The following ADAT2 variants were observed in gnomAD, a reference collection of about 807,000 sequenced individuals.
The protein encoded by ADAT2 is adenosine deaminase tRNA specific 2, also known as tRNA-specific adenosine-34 deaminase catalytic subunit ADAT2.
A neutral mutation model predicts 25.9 loss-of-function variants in ADAT2; 26 were observed. The observed-to-expected ratio is 1.00, with a 90% confidence interval of 0.74 to 1.39. ADAT2 has a LOEUF of 1.39. ADAT2 is among the 40% of genes most tolerant of loss of function. The pLI, the probability that ADAT2 is intolerant of heterozygous loss-of-function variation, is 0.00. For missense variants in ADAT2, 220 were observed against 244.8 expected (o/e 0.90, Z 0.68); for synonymous variants, 76 against 86.8 (o/e 0.88, Z 0.69).
rs1779142633 is a variant in ADAT2 at position 143,432,443 on chromosome 6, C to T, written c.459+62G>A. The T allele has an allele frequency of 2.7e-6, 4 of 1,460,230 alleles. No homozygotes were observed. The Admixed American group carries it at 5.1e-5, about 18-fold the overall frequency. 90.5% of individuals were successfully genotyped at this position (1,460,230 alleles called of 1,614,324 possible). A position where few individuals can be genotyped will look rare whatever the true frequency, so the allele number is the denominator to read the frequency against. On this transcript the variant is annotated intron_variant, in intron 4 of 5. Coordinates refer to ENST00000237283, the MANE Select transcript of ADAT2 (RefSeq NM_182503.3). The surrounding 1 kb of genome is among the most constrained non-coding windows in gnomAD (Gnocchi z 4.4). ...ATACTGGCCACACACTAGTTATTCA[C>T]AAGCCCATAAAGAGATGAAAATAAT... is the stretch of plus-strand genomic sequence containing the variant.
rs1362818361 is a variant in ADAT2, at chr6:143,442,788, A to G, written c.97-4094T>C. ...AGAGAAATATTTGGTGTTACGGACA[A>G]TCCCAGAAAAACACTAGGCCAAGAA... On this transcript the variant is annotated intron_variant, in intron 1 of 5. Coordinates refer to ENST00000237283, the MANE Select transcript of ADAT2 (RefSeq NM_182503.3). The surrounding 1 kb of genome is among the most constrained non-coding windows in gnomAD (Gnocchi z 4.6). Among the ~76,000 whole-genome samples, 1 of 152,230 alleles carries G rather than the reference A, an allele frequency of 6.6e-6. No homozygotes were observed. Among genetic ancestry groups the G allele is most frequent in the African/African-American group, 2.4e-5 (1 of 41,456 alleles).
rs1034098830 is a variant in ADAT2, at chr6:143,440,364, A to G, written c.97-1670T>C. On this transcript the variant is annotated intron_variant, in intron 1 of 5. Coordinates refer to ENST00000237283, the MANE Select transcript of ADAT2 (RefSeq NM_182503.3). This position sits in a 1 kb window ranked among gnomAD's most constrained non-coding sequence, Gnocchi z 4.5. ...GTTCTACTTTATTTAACTAGTGACA[A>G]CTTCCTATTATAAGGCATACAGGAT... Among the ~76,000 whole-genome samples, 22 of 152,186 alleles carry G rather than the reference A, an allele frequency of 1.4e-4. No homozygotes were observed. The highest frequency in any genetic ancestry group is 5.3e-4 in the African/African-American group (22 of 41,448).
At chr6:143,439,366 A>T (rs1358933499) in intron 1 of ADAT2, among the ~76,000 whole-genome samples, 1 of 151,312 alleles carries the variant, frequency 6.6e-6, no homozygotes. Context: ...AAAAAAAAGA[A>T]GAAGAAAGAA....
At position 143,436,448 on chromosome 6, in the gene ADAT2, C is replaced by G. The variant is rs1430544642; in HGVS notation, c.201+2142G>C. On this transcript the variant is annotated intron_variant, in intron 2 of 5. Transcript: ENST00000237283. This position sits in a 1 kb window ranked among gnomAD's most constrained non-coding sequence, Gnocchi z 4.1. ...ACAGCTTTCTGGGACATCCCATCCGCAGGACTAAAAACGTCCACCACTTTC... is the reference window on the plus strand; with the variant it reads ...ACAGCTTTCTGGGACATCCCATCCGGAGGACTAAAAACGTCCACCACTTTC... 5 of 266,958 alleles carry G rather than the reference C, an allele frequency of 1.9e-5. No homozygotes were observed. Among genetic ancestry groups the G allele is most frequent in the Non-Finnish European group, 3.8e-5 (5 of 130,220 alleles). 16.5% of individuals were successfully genotyped at this position (266,958 alleles called of 1,614,324 possible).
chr6:143,450,495 A>C, intron 1 of ADAT2, 68 bp downstream of exon 1: 1 of 1,534,812 alleles, frequency 6.5e-7, no homozygotes, highest in Non-Finnish European at 9.0e-7. Flanking sequence ...GTTTGCTCAA[A>C]TGCCGGGGTC....
At position 143,434,716 on chromosome 6, in the gene ADAT2, A is replaced by G. The variant is rs1583977606; in HGVS notation, c.202-735T>C. ...CTTATAAATCTGAATTACATGAAGC[A>G]TGGTGCCACATAATACTACACATGT... On this transcript the variant is annotated intron_variant, in intron 2 of 5. Transcript: ENST00000237283. The surrounding 1 kb of genome is among the most constrained non-coding windows in gnomAD (Gnocchi z 4.5). Among the ~76,000 whole-genome samples the G allele has an allele frequency of 6.6e-6, 1 of 152,226 alleles. No individual in the cohort carries two copies. The highest frequency in any genetic ancestry group is 6.5e-5 in the Admixed American group (1 of 15,280).
rs780385277 is a variant in ADAT2, at chr6:143,440,301, C to G, written c.97-1607G>C. On this transcript the variant is annotated intron_variant, in intron 1 of 5. Transcript: ENST00000237283. The surrounding 1 kb of genome is among the most constrained non-coding windows in gnomAD (Gnocchi z 4.5). ...TGCAAAGTTGAAGGCATTGTTAAAA[C>G]AGTGTCTTCTGTCTCCTGCACCAGT... Among the ~76,000 whole-genome samples the G allele has an allele frequency of 4.6e-5, 7 of 152,222 alleles. No homozygotes were observed. The highest frequency in any genetic ancestry group is 1.0e-4 in the Non-Finnish European group (7 of 68,040).
In ADAT2 at chr6:143,425,824, T is replaced by G. The variant is rs1778919575; in HGVS notation, c.*2639A>C. On this transcript the variant is annotated 3_prime_UTR_variant, in exon 6 of 6. Coordinates refer to ENST00000237283, the MANE Select transcript of ADAT2 (RefSeq NM_182503.3). Reference sequence around the variant, plus strand: ...TCCCAGTAAAAAGTTTAAAGAAAAATTAAGAGTTCTTGCCTACACTGAAGC... The same window carrying G: ...TCCCAGTAAAAAGTTTAAAGAAAAAGTAAGAGTTCTTGCCTACACTGAAGC... 6.7e-6 allele frequency: 1 copy of G among 148,902 alleles called. No homozygotes were observed. Among genetic ancestry groups the G allele is most frequent in the South Asian group, 2.2e-4 (1 of 4,640 alleles). 9.2% of individuals were successfully genotyped at this position (148,902 alleles called of 1,614,324 possible).
rs1458581371 is a variant in ADAT2, at chr6:143,446,996, AATG to A, written c.96+3564_96+3566del. Among the ~76,000 whole-genome samples, 1 of 152,226 alleles carries A rather than the reference AATG, an allele frequency of 6.6e-6. No homozygotes were observed. Among genetic ancestry groups the A allele is most frequent in the African/African-American group, 2.4e-5 (1 of 41,456 alleles). On this transcript the variant is annotated intron_variant, in intron 1 of 5. Transcript: ENST00000237283. The surrounding 1 kb of genome is among the most constrained non-coding windows in gnomAD (Gnocchi z 5.0). ...ATGCTGAACATGTTATGATGATTAA[AATG>A]ATAACCTATGATGATGCTATGCTTA...
In ADAT2 at chr6:143,429,915, C is replaced by T. The variant is rs148356569; in HGVS notation, c.460-1231G>A. Among the ~76,000 whole-genome samples, 1,035 of 152,272 alleles carry T rather than the reference C, an allele frequency of 6.8e-3. 4 individuals are homozygous for T. Among genetic ancestry groups the T allele is most frequent in the Non-Finnish European group, 0.012 (816 of 68,024 alleles). On this transcript the variant is annotated intron_variant, in intron 4 of 5. Transcript: ENST00000237283. ...AAATAACCTTCCATCCACCCTGTCC[C>T]GTCAAAGGCTGACACCCTGCTCCTG...
rs201093312 is a variant in ADAT2, at chr6:143,450,684, C to G, written c.-26G>C. 19 of 1,609,444 alleles carry G rather than the reference C, an allele frequency of 1.2e-5. No homozygotes were observed. In the Admixed American group the frequency reaches 1.5e-4, roughly 13 times the overall value. ...ACCCAGCCACCACTCAGCTACAGAGCCCGCGGCAGAGGAGGAGCGCGGGCA... is the reference window on the plus strand; with the variant it reads ...ACCCAGCCACCACTCAGCTACAGAGGCCGCGGCAGAGGAGGAGCGCGGGCA... On this transcript the variant is annotated 5_prime_UTR_variant, in exon 1 of 6. Transcript: ENST00000237283.
chr6:143,444,788 G>T lies in ADAT2; in HGVS notation c.96+5775C>A. On this transcript the variant is annotated intron_variant, in intron 1 of 5. Transcript: ENST00000237283. The surrounding 1 kb of genome is among the most constrained non-coding windows in gnomAD (Gnocchi z 4.3). ...GAATATAATTTCTTTTTTTTCTCTA[G>T]TCAGGGCCTGCCCAGATACAGATAA... 2.6e-6 allele frequency: 1 copy of T among 386,450 alleles called. No individual in the cohort carries two copies. The highest frequency in any genetic ancestry group is 4.0e-6 in the Non-Finnish European group (1 of 249,370). 23.9% of individuals were successfully genotyped at this position (386,450 alleles called of 1,614,324 possible). A position where few individuals can be genotyped will look rare whatever the true frequency, so the allele number is the denominator to read the frequency against.
At position 143,444,002 on chromosome 6, in the gene ADAT2, G is replaced by A. The variant is rs1299017690; in HGVS notation, c.97-5308C>T. 6.6e-6 allele frequency among the ~76,000 whole-genome samples: 1 copy of A among 152,084 alleles called. No individual in the cohort carries two copies. Among genetic ancestry groups the A allele is most frequent in the Non-Finnish European group, 1.5e-5 (1 of 68,010 alleles). The stretch of plus-strand genomic sequence containing the variant: ...AGGGCCGAGTGGAAAGGACGTGAGT[G>A]GGATGGGAGATGAGATTCCATGTTG... On this transcript the variant is annotated intron_variant, in intron 1 of 5. Coordinates refer to ENST00000237283, the MANE Select transcript of ADAT2 (RefSeq NM_182503.3). The surrounding 1 kb of genome is among the most constrained non-coding windows in gnomAD (Gnocchi z 4.3).
In ADAT2 at chr6:143,441,020, T is replaced by C. The variant is rs149534505; in HGVS notation, c.97-2326A>G. On this transcript the variant is annotated intron_variant, in intron 1 of 5. Coordinates refer to ENST00000237283, the MANE Select transcript of ADAT2 (RefSeq NM_182503.3). Reference sequence around the variant, plus strand: ...AATGCTGCACTGCTGGCTTTGAAGATGGAGGGATGGGTCATAAATGTCACT... The same window carrying C: ...AATGCTGCACTGCTGGCTTTGAAGACGGAGGGATGGGTCATAAATGTCACT... 4.3e-3 allele frequency among the ~76,000 whole-genome samples: 650 copies of C among 152,212 alleles called. 8 individuals carry two copies. Among genetic ancestry groups the C allele is most frequent in the African/African-American group, 0.014 (602 of 41,526 alleles).
intron 4 of ADAT2, among the ~76,000 whole-genome samples, chr6:143,431,375 A>T (rs757309858): frequency 3.3e-5 from 5 of 152,240 alleles, no homozygotes; most frequent in Non-Finnish European, 7.3e-5. Flanking sequence ...GAAACTGAAA[A>T]ATTATTTAGA....
At chr6:143,431,057 A>G (rs566453340) in intron 4 of ADAT2, among the ~76,000 whole-genome samples, 18 of 151,912 alleles carry the variant, frequency 1.2e-4, no homozygotes, top group African/African-American at 3.6e-4. Flanking sequence ...CAGACGAATT[A>G]AAAAAAAAGA....
chr6:143,430,319 C>T (rs1779069238), intron 4 of ADAT2, among the ~76,000 whole-genome samples: 1 of 152,140 alleles, frequency 6.6e-6, no homozygotes, highest in Admixed American at 6.6e-5. Flanking sequence ...CCAGTTGGAA[C>T]TCTCTGGAAA....
chr6:143,432,676 GT>G lies in ADAT2; in HGVS notation c.353-66del. On this transcript the variant is annotated intron_variant, in intron 3 of 5. Coordinates refer to ENST00000237283, the MANE Select transcript of ADAT2 (RefSeq NM_182503.3). This position sits in a 1 kb window ranked among gnomAD's most constrained non-coding sequence, Gnocchi z 4.4. ...AAGTATGTATCGTGACAAAATCAGA[GT>G]AGGTTTATACCAGCCATCCTGGAGA... The G allele has an allele frequency of 6.6e-7, 1 of 1,505,834 alleles. No homozygotes were observed. The highest frequency in any genetic ancestry group is 1.1e-5 in the South Asian group (1 of 88,410). 93.3% of individuals were successfully genotyped at this position (1,505,834 alleles called of 1,614,324 possible).
intron 1 of ADAT2, chr6:143,441,584 T>G (rs935663165): frequency 6.6e-6 from 1 of 152,140 alleles, no homozygotes; most frequent in Admixed American, 6.6e-5. Context: ...TATATTCTCA[T>G]GATAATAATA....
Sources: allele counts gnomAD v4.1 joint callset (sites outside exome capture counted in the v4.1 genomes callset), GRCh38; gene constraint gnomAD v4.1.1; non-coding constraint Gnocchi (gnomAD v3.1); transcripts MANE v1.5; gene names NCBI Gene and HGNC (gene_info 2026-07-23, HGNC 2026-07-21).